ZNF678: variants seen among roughly 807,000 people sequenced by gnomAD.
The protein encoded by ZNF678 is hypothetical protein MGC42493.
A neutral mutation model predicts 3.0 loss-of-function variants in ZNF678; 5 were observed. The ratio of observed to expected loss-of-function variants is 1.69; its 90% CI spans 0.88 to 3.56. The LOEUF is 3.56. Among genes scored for constraint, ZNF678 ranks in the 30% most tolerant of loss-of-function variants. ZNF678 has a pLI of 0.00. For missense variants in ZNF678, 593 were observed against 605.0 expected, an observed-to-expected ratio of 0.98 and a Z score of 0.21; for synonymous variants, 218 against 199.6, an observed-to-expected ratio of 1.09 and a Z score of -0.78.
intron 3 of ZNF678, among the ~76,000 whole-genome samples, chr1:227,652,323 T>C (rs1012549223): frequency 4.6e-5 from 7 of 152,188 alleles, no homozygotes; most frequent in African/African-American, 1.4e-4. Context: ...TCCTGCCGCT[T>C]TGTCTATTAT....
chr1:227,566,974 A>G (rs1320597755), intron 1 of ZNF678, among the ~76,000 whole-genome samples: 1 of 152,210 alleles, frequency 6.6e-6, no homozygotes, highest in Non-Finnish European at 1.5e-5. Context: ...CACTTTCACA[A>G]GACAGTATGG....
chr1:227,582,589 A>G (rs535264758), intron 1 of ZNF678: 139 of 242,348 alleles, frequency 5.7e-4, no homozygotes, highest in Non-Finnish European at 9.9e-4. Context: ...TAATCCTCCC[A>G]AAGTTCTTAG....
intron 1 of ZNF678, among the ~76,000 whole-genome samples, chr1:227,633,542 A>C (rs149416359): frequency 2.0e-5 from 3 of 152,206 alleles, no homozygotes; most frequent in Non-Finnish European, 4.4e-5. Context: ...TAGGAAATCC[A>C]GCTAATCCTG....
intron 1 of ZNF678, among the ~76,000 whole-genome samples, chr1:227,592,415 G>C (rs1657440022): frequency 6.6e-6 from 1 of 152,250 alleles, no homozygotes; most frequent in African/African-American, 2.4e-5. Flanking sequence ...GTTGTTTTGA[G>C]AGATAGGCCA....
At chr1:227,565,098 G>A (rs1372285068) in intron 1 of ZNF678, among the ~76,000 whole-genome samples, 5 of 107,738 alleles carry the variant, frequency 4.6e-5, no homozygotes, top group African/African-American at 1.8e-4. Flanking sequence ...TTGGAGTCTC[G>A]CTCTGTTGCC....
Position 227,635,731 on chromosome 1 carries a change from A to G in ZNF678, c.-163-10813A>G, listed in dbSNP as rs1465661339. Among the ~76,000 whole-genome samples the G allele has an allele frequency of 5.3e-5, 8 of 151,984 alleles. No individual in the cohort carries two copies. In the East Asian group the frequency reaches 5.8e-4, roughly 11 times the overall value. ...TTGTACCCGGATGGCCTCTTTCTCAATCTTCAGGGGTACGTGTCTTCTGGC... is the reference window on the plus strand; with the variant it reads ...TTGTACCCGGATGGCCTCTTTCTCAGTCTTCAGGGGTACGTGTCTTCTGGC... On this transcript the variant is annotated intron_variant, in intron 1 of 3. Coordinates refer to ENST00000343776, the MANE Select transcript of ZNF678 (RefSeq NM_001367909.1).
intron 2 of ZNF678, among the ~76,000 whole-genome samples, chr1:227,650,510 TA>T (rs1659064860): frequency 6.6e-6 from 1 of 152,178 alleles, no homozygotes; most frequent in African/African-American, 2.4e-5. Context: ...TTTATTCCAT[TA>T]TTTTAAAAAT....
At chr1:227,632,090 C>T (rs567864930) in intron 1 of ZNF678, among the ~76,000 whole-genome samples, 2 of 152,150 alleles carry the variant, frequency 1.3e-5, no homozygotes, top group Non-Finnish European at 2.9e-5. Context: ...TCTTCCTAGC[C>T]ATTTACAAAC....
rs183467247 is a variant in ZNF678, at chr1:227,638,165, G to A, written c.-163-8379G>A. ...TGAGCTGACGTGAAAGGTGGGTGTCGGGGTTTTCCCAAGTAAAGGCAAAGA... is the reference window on the plus strand; with the variant it reads ...TGAGCTGACGTGAAAGGTGGGTGTCAGGGTTTTCCCAAGTAAAGGCAAAGA... On this transcript the variant is annotated intron_variant, in intron 1 of 3. Coordinates refer to ENST00000343776, the MANE Select transcript of ZNF678 (RefSeq NM_001367909.1). The surrounding 1 kb of genome is among the most constrained non-coding windows in gnomAD (Gnocchi z 4.2). Among the ~76,000 whole-genome samples the A allele has an allele frequency of 1.3e-4, 20 of 152,236 alleles. No individual in the cohort carries two copies. Among genetic ancestry groups the A allele is most frequent in the African/African-American group, 4.6e-4 (19 of 41,530 alleles).
At chr1:227,671,349 C>T (rs1384428192) in intron 5 of ZNF678, among the ~76,000 whole-genome samples, 2 of 151,954 alleles carry the variant, frequency 1.3e-5, no homozygotes, top group African/African-American at 4.8e-5. Flanking sequence ...TCAGGATGTC[C>T]CGCCATATTT....
rs778422768 is a variant in ZNF678, at chr1:227,654,336, C to T, written c.86C>T (p.Ala29Val). ...AACTTTTTATTTTTATTTCTTTCAG[C>T]TATTTTATCTTATTCCATTCAAGAC... is the stretch of plus-strand genomic sequence containing the variant. ...STSFYKLVYT[A>V]ILSYSIQDLL... The change falls in exon 4 of 4, where the codon GCT becomes GTT. Residue 29 changes from alanine to valine, a missense_variant and splice_region_variant. By Grantham distance (64) the Ala-to-Val change is moderately conservative. Coordinates refer to ENST00000343776, the MANE Select transcript of ZNF678 (RefSeq NM_001367909.1). The T allele has an allele frequency of 2.0e-6, 3 of 1,499,924 alleles. No homozygotes were observed. The highest frequency in any genetic ancestry group is 2.7e-6 in the Non-Finnish European group (3 of 1,127,608). The allele number at this position is 1,499,924 out of a possible 1,614,324, so 92.9% of individuals were successfully genotyped here.
intron 1 of ZNF678, among the ~76,000 whole-genome samples, chr1:227,590,589 A>G (rs944594195): frequency 1.3e-5 from 2 of 151,804 alleles, no homozygotes; most frequent in African/African-American, 2.4e-5. Flanking sequence ...ATCTATGGCT[A>G]TGCTTCTCTT....
chr1:227,579,734 C>G (rs1402319942), intron 1 of ZNF678, among the ~76,000 whole-genome samples: 1 of 152,090 alleles, frequency 6.6e-6, no homozygotes, highest in Non-Finnish European at 1.5e-5. Context: ...CAGACATGGC[C>G]AGGCTGGGGC....
intron 1 of ZNF678, among the ~76,000 whole-genome samples, chr1:227,574,076 A>G (rs1272828768): frequency 2.0e-5 from 3 of 152,114 alleles, no homozygotes; most frequent in Admixed American, 2.0e-4. Flanking sequence ...GCTATTATTG[A>G]TGGGCATTTA....
At chr1:227,633,276 C>G (rs139936316) in intron 1 of ZNF678, among the ~76,000 whole-genome samples, 2,107 of 152,298 alleles carry the variant, frequency 0.014, 50 homozygotes, top group African/African-American at 0.048. Flanking sequence ...TCCCATACAA[C>G]GGGAGAAGAC....
chr1:227,610,921 G>T (rs1443551494), intron 1 of ZNF678, among the ~76,000 whole-genome samples: 1 of 152,154 alleles, frequency 6.6e-6, no homozygotes, highest in African/African-American at 2.4e-5. Context: ...AGGAATGGAG[G>T]CTCACTGCTG....
chr1:227,646,712 C>A (rs772685648), intron 2 of ZNF678, 42 bp downstream of exon 2: 1 of 1,346,800 alleles, frequency 7.4e-7, no homozygotes, highest in Non-Finnish European at 9.9e-7. Flanking sequence ...TTTCATACTA[C>A]GGATTCCATA....
chr1:227,583,634 A>T (rs1235579520), intron 1 of ZNF678, among the ~76,000 whole-genome samples: 1 of 152,148 alleles, frequency 6.6e-6, no homozygotes, highest in Non-Finnish European at 1.5e-5. Context: ...GATACAGATT[A>T]TATTTAGGGA....
chr1:227,632,069 T>C (rs765612594), intron 1 of ZNF678, among the ~76,000 whole-genome samples: 1 of 152,124 alleles, frequency 6.6e-6, no homozygotes, highest in Non-Finnish European at 1.5e-5. Context: ...CCTTACACAA[T>C]GGGAGAGCAA....
Sources: allele counts gnomAD v4.1 joint callset (sites outside exome capture counted in the v4.1 genomes callset), GRCh38; gene constraint gnomAD v4.1.1; non-coding constraint Gnocchi (gnomAD v3.1); transcripts MANE v1.5; gene names NCBI Gene and HGNC (gene_info 2026-07-23, HGNC 2026-07-21).